Variants in SNX29 observed in about 807,000 individuals in gnomAD.
The protein encoded by SNX29 is sorting nexin 29, also known as sorting nexin-29.
In SNX29, 78 loss-of-function variants were observed where a neutral mutation model predicts 102.1. The observed-to-expected ratio is 0.76, with a 90% confidence interval of 0.64 to 0.92. SNX29 has a LOEUF of 0.92. Ranked by LOEUF, SNX29 falls within the 40% of genes least tolerant of loss-of-function variation. SNX29 has a pLI of 0.00. For missense variants in SNX29, 1,280 were observed against 1,061.7 expected, an observed-to-expected ratio of 1.21 and a Z score of -2.86; for synonymous variants, 580 against 414.5, an observed-to-expected ratio of 1.40 and a Z score of -4.85.
At chr16:12,231,308 C>T (rs556840754) in intron 14 of SNX29, among the ~76,000 whole-genome samples, 6 of 152,294 alleles carry the variant, frequency 3.9e-5, no homozygotes, top group African/African-American at 1.4e-4. Flanking sequence ...AACAGAACTT[C>T]GTTTAAAGTA....
At chr16:12,273,519 C>T (rs762500331) in intron 14 of SNX29, among the ~76,000 whole-genome samples, 15 of 151,724 alleles carry the variant, frequency 9.9e-5, no homozygotes, top group East Asian at 5.8e-4. Flanking sequence ...CCACCATGCC[C>T]GGCTAATTTT....
chr16:12,566,698 G>T (rs538369418), intron 20 of SNX29, among the ~76,000 whole-genome samples: 1 of 12,518 alleles, frequency 8.0e-5, no homozygotes, highest in African/African-American at 3.4e-4. Context: ...TTCGTAAGTG[G>T]GGTCCCCCAT....
Position 12,014,681 on chromosome 16 carries a change from G to A in SNX29, c.122+11638G>A, listed in dbSNP as rs141447031. Among the ~76,000 whole-genome samples the A allele has an allele frequency of 2.9e-3, 411 of 143,004 alleles. 17 individuals are homozygous for A. In the East Asian group the frequency reaches 0.063, roughly 22 times the overall value. 93.8% of individuals were successfully genotyped at this position (143,004 alleles called of 152,430 possible). A position where few individuals can be genotyped will look rare whatever the true frequency, so the allele number is the denominator to read the frequency against. ...TGGGAGCCAGAGGTTGTGGTGAGCC[G>A]AGATCATGCCATTGTACTCCAGCCT... On this transcript the variant is annotated intron_variant, in intron 3 of 20. Coordinates refer to ENST00000566228, the MANE Select transcript of SNX29 (RefSeq NM_032167.5).
chr16:12,323,457 T>C (rs1040045560), intron 15 of SNX29, among the ~76,000 whole-genome samples: 3 of 151,422 alleles, frequency 2.0e-5, no homozygotes, highest in Non-Finnish European at 2.9e-5. Flanking sequence ...AAAAGTACCA[T>C]GATGAATACA....
intron 14 of SNX29, among the ~76,000 whole-genome samples, chr16:12,237,909 C>CTAAA (rs553339927): frequency 8.0e-4 from 122 of 152,208 alleles, no homozygotes; most frequent in South Asian, 1.5e-3. Context: ...AACTCCTTTT[C>CTAAA]TAAATAAATA....
intron 14 of SNX29, among the ~76,000 whole-genome samples, chr16:12,209,396 G>C (rs1478070348): frequency 6.6e-6 from 1 of 152,114 alleles, no homozygotes; most frequent in Non-Finnish European, 1.5e-5. Context: ...TGCCATGTTG[G>C]CCAGACTGGT....
chr16:12,524,938 G>T, intron 20 of SNX29, 97 bp downstream of exon 20: 1 of 1,510,648 alleles, frequency 6.6e-7, no homozygotes. Flanking sequence ...TCTCCGTGAT[G>T]CCCTGATCGC....
intron 20 of SNX29, among the ~76,000 whole-genome samples, chr16:12,546,922 G>T (rs969619797): frequency 6.6e-6 from 1 of 152,200 alleles, no homozygotes; most frequent in African/African-American, 2.4e-5. Flanking sequence ...AGGAGGATGA[G>T]AGCAGGGATG....
At chr16:12,068,972 G>A in intron 9 of SNX29, 85 bp from the exon 10 acceptor site, 2 of 1,295,848 alleles carry the variant, frequency 1.5e-6, no homozygotes, top group South Asian at 2.6e-5. Flanking sequence ...TAGCAGATGA[G>A]CCAATGTCTG....
At chr16:12,540,113 T>G (rs1180573070) in intron 20 of SNX29, among the ~76,000 whole-genome samples, 1 of 152,200 alleles carries the variant, frequency 6.6e-6, no homozygotes, top group Middle Eastern at 3.2e-3. Context: ...GTCATAAAGA[T>G]TTTCTCCTAG....
chr16:12,192,436 T>C (rs1387365629), intron 13 of SNX29, among the ~76,000 whole-genome samples: 1 of 152,224 alleles, frequency 6.6e-6, no homozygotes, highest in Non-Finnish European at 1.5e-5. Flanking sequence ...TCTTCCGGCT[T>C]CTTCTGTTTC....
intron 14 of SNX29, among the ~76,000 whole-genome samples, chr16:12,216,563 A>G (rs1256917429): frequency 6.6e-6 from 1 of 152,124 alleles, no homozygotes. Context: ...ATGTCTTCCT[A>G]AGGAAGGTGA....
intron 16 of SNX29, among the ~76,000 whole-genome samples, chr16:12,362,581 T>G (rs2082339220): frequency 2.7e-5 from 1 of 36,600 alleles, no homozygotes; most frequent in Admixed American, 4.1e-4. Flanking sequence ...CCCACCAGTT[T>G]CTCCTCATGC....
chr16:12,563,409 C>A (rs1021346784), intron 20 of SNX29, among the ~76,000 whole-genome samples: 1 of 152,204 alleles, frequency 6.6e-6, no homozygotes, highest in African/African-American at 2.4e-5. Context: ...TAGATGGCGA[C>A]TGGATTTTGT....
At chr16:12,151,985 G>A (rs1019077765) in intron 13 of SNX29, among the ~76,000 whole-genome samples, 1 of 152,152 alleles carries the variant, frequency 6.6e-6, no homozygotes, top group African/African-American at 2.4e-5. Context: ...TCCTGAGGCC[G>A]AGGCAGGCAG....
chr16:12,423,275 C>T (rs1039969254), intron 18 of SNX29, among the ~76,000 whole-genome samples: 8 of 151,802 alleles, frequency 5.3e-5, no homozygotes, highest in East Asian at 3.9e-4. Flanking sequence ...ATCACATAAA[C>T]GTAGATCATA....
chr16:11,983,950 A>T (rs2055494121), intron 1 of SNX29, among the ~76,000 whole-genome samples: 1 of 152,210 alleles, frequency 6.6e-6, no homozygotes, highest in South Asian at 2.1e-4. Context: ...TAAAGCACAG[A>T]TAGGCATATA....
intron 18 of SNX29, among the ~76,000 whole-genome samples, chr16:12,414,704 T>C (rs1029646420): frequency 1.3e-5 from 2 of 151,122 alleles, no homozygotes; most frequent in African/African-American, 4.9e-5. Flanking sequence ...GGGACGATTT[T>C]GTTTGTTTAT....
intron 20 of SNX29, among the ~76,000 whole-genome samples, chr16:12,531,598 G>T (rs894221963): frequency 4.6e-5 from 7 of 152,224 alleles, no homozygotes; most frequent in African/African-American, 1.4e-4. Context: ...AGGACGGTGA[G>T]AGTTGAGTAG....
Sources: allele counts gnomAD v4.1 joint callset (sites outside exome capture counted in the v4.1 genomes callset), GRCh38; gene constraint gnomAD v4.1.1; transcripts MANE v1.5; gene names NCBI Gene and HGNC (gene_info 2026-07-23, HGNC 2026-07-21).